Variants in TYR observed in about 807,000 individuals in gnomAD.
The protein encoded by TYR is tyrosinase, also known as LB24-AB.
Under a neutral mutation model 51.5 loss-of-function variants are expected in TYR, and 58 were observed. That is an observed-to-expected ratio of 1.13 (90% CI 0.91 to 1.40). The LOEUF is 1.40. TYR is among the 40% of genes most tolerant of loss of function. The pLI, the probability that TYR is intolerant of heterozygous loss-of-function variation, is 0.00. For missense variants in TYR, 732 were observed against 647.4 expected, an observed-to-expected ratio of 1.13 and a Z score of -1.42; for synonymous variants, 263 against 235.2, an observed-to-expected ratio of 1.12 and a Z score of -1.08.
intron 3 of TYR, among the ~76,000 whole-genome samples, chr11:89,278,497 G>GT (rs1235074702): frequency 5.3e-5 from 8 of 151,462 alleles, no homozygotes; most frequent in African/African-American, 1.7e-4. Context: ...GTGTATGTAA[G>GT]TTTTTTTTGT....
chr11:89,236,954 T>C (rs1382758319), intron 3 of TYR, among the ~76,000 whole-genome samples: 1 of 152,188 alleles, frequency 6.6e-6, no homozygotes, highest in Non-Finnish European at 1.5e-5. Flanking sequence ...TGGCATTCAG[T>C]GACCTCAGGT....
At chr11:89,197,731 C>A (rs897834014) in intron 2 of TYR, among the ~76,000 whole-genome samples, 1 of 151,790 alleles carries the variant, frequency 6.6e-6, no homozygotes, top group African/African-American at 2.4e-5. Context: ...CAGAAGCTCT[C>A]GGTGACTGAC....
At chr11:89,243,206 C>G (rs920944119) in intron 3 of TYR, among the ~76,000 whole-genome samples, 1 of 152,172 alleles carries the variant, frequency 6.6e-6, no homozygotes, top group Non-Finnish European at 1.5e-5. Context: ...ATAAATGTTA[C>G]AGGGTAGTAT....
At chr11:89,216,647 C>CAA (rs11411684) in intron 2 of TYR, among the ~76,000 whole-genome samples, 1,687 of 80,256 alleles carry the variant, frequency 0.021, 50 homozygotes, top group African/African-American at 0.05. Context: ...TTTTCCATCT[C>CAA]AAAAAAAAAA....
At chr11:89,246,904 G>T (rs1205581640) in intron 3 of TYR, among the ~76,000 whole-genome samples, 11 of 152,124 alleles carry the variant, frequency 7.2e-5, no homozygotes, top group Non-Finnish European at 1.2e-4. Flanking sequence ...AAATCTCAGG[G>T]TTATGGGGGT....
At chr11:89,236,316 T>C (rs1221990188) in intron 3 of TYR, among the ~76,000 whole-genome samples, 2 of 152,014 alleles carry the variant, frequency 1.3e-5, no homozygotes, top group African/African-American at 4.8e-5. Context: ...AGTACTATCA[T>C]TAAATTCAAT....
At chr11:89,267,069 A>C (rs1944534051) in intron 3 of TYR, among the ~76,000 whole-genome samples, 1 of 152,080 alleles carries the variant, frequency 6.6e-6, no homozygotes, top group South Asian at 2.1e-4. Flanking sequence ...TCTCAGAATC[A>C]AGTGAAATCT....
chr11:89,193,913 T>C (rs1943481785), intron 2 of TYR, among the ~76,000 whole-genome samples: 2 of 152,086 alleles, frequency 1.3e-5, no homozygotes, highest in African/African-American at 4.8e-5. Flanking sequence ...TAAGGGTAAA[T>C]TGCATAGACT....
At chr11:89,216,714 T>G in intron 2 of TYR, among the ~76,000 whole-genome samples, 1 of 150,962 alleles carries the variant, frequency 6.6e-6, no homozygotes. Context: ...AGAAGTTGAT[T>G]TTGCTCTTAT....
intron 4 of TYR, chr11:89,293,976 G>C: frequency 3.5e-6 from 1 of 283,398 alleles, no homozygotes; most frequent in Non-Finnish European, 7.0e-6. Context: ...TCTTTTCTTT[G>C]ATTTGCTGTC....
At chr11:89,233,870 A>ATCGCCC (rs150279079) in intron 3 of TYR, among the ~76,000 whole-genome samples, 2 of 141,136 alleles carry the variant, frequency 1.4e-5, no homozygotes, top group Non-Finnish European at 3.0e-5. Context: ...GTATTTCATA[A>ATCGCCC]TGGGAGTTTC....
intron 2 of TYR, among the ~76,000 whole-genome samples, chr11:89,212,820 C>G (rs772478209): frequency 1.3e-5 from 2 of 152,166 alleles, no homozygotes; most frequent in Non-Finnish European, 2.9e-5. Flanking sequence ...ATCACATAAA[C>G]AGAACCAACC....
intron 2 of TYR, among the ~76,000 whole-genome samples, chr11:89,193,565 G>A (rs1019192364): frequency 2.0e-5 from 3 of 152,072 alleles, no homozygotes; most frequent in Non-Finnish European, 2.9e-5. Context: ...GCACACAGTC[G>A]TTCGGTAAGT....
chr11:89,252,374 T>C (rs918818585), intron 3 of TYR, among the ~76,000 whole-genome samples: 24 of 151,672 alleles, frequency 1.6e-4, no homozygotes, highest in African/African-American at 5.8e-4. Context: ...GGGGTTTTGG[T>C]CTCAATAACC....
At chr11:89,290,160 G>A (rs1289449196) in intron 4 of TYR, among the ~76,000 whole-genome samples, 2 of 152,124 alleles carry the variant, frequency 1.3e-5, no homozygotes, top group South Asian at 4.1e-4. Flanking sequence ...AGAAAAATAG[G>A]ACTTCACAGA....
At chr11:89,262,863 A>G (rs1382491367) in intron 3 of TYR, among the ~76,000 whole-genome samples, 1 of 146,360 alleles carries the variant, frequency 6.8e-6, no homozygotes, top group Non-Finnish European at 1.5e-5. Flanking sequence ...AAAAAAAAAA[A>G]AAAAAAAAAC....
At position 89,203,959 on chromosome 11, in the gene TYR, A is replaced by G. The variant is rs1197909919; in HGVS notation, c.1036+12541A>G. 3.9e-5 allele frequency among the ~76,000 whole-genome samples: 6 copies of G among 152,324 alleles called. No homozygotes were observed. In the East Asian group the frequency reaches 1.2e-3, roughly 29 times the overall value. On this transcript the variant is annotated intron_variant, in intron 2 of 4. Transcript: ENST00000263321. ...TAGACTTCTACCCTTACTAGGCTAT[A>G]ACAAGGTGCCTCCTCAATTCCCTTC...
chr11:89,274,811 T>A (rs1458083639), intron 3 of TYR, among the ~76,000 whole-genome samples: 1 of 151,804 alleles, frequency 6.6e-6, no homozygotes, highest in Non-Finnish European at 1.5e-5. Context: ...GGCAGGTTCT[T>A]CCTACGTTCA....
chr11:89,198,214 G>A (rs1943548516), intron 2 of TYR, among the ~76,000 whole-genome samples: 1 of 150,028 alleles, frequency 6.7e-6, no homozygotes, highest in Non-Finnish European at 1.5e-5. Context: ...CTTAGTTCAT[G>A]CAACAACAAC....
Sources: allele counts gnomAD v4.1 joint callset (sites outside exome capture counted in the v4.1 genomes callset), GRCh38; gene constraint gnomAD v4.1.1; transcripts MANE v1.5; gene names NCBI Gene and HGNC (gene_info 2026-07-23, HGNC 2026-07-21).